The following FHIT variants were observed in gnomAD, a reference collection of about 807,000 sequenced individuals.
The protein encoded by FHIT is bis(5'-adenosyl)-triphosphatase.
FHIT carries 19 observed loss-of-function variants against 17.9 expected under a neutral mutation model. That is an observed-to-expected ratio of 1.06 (90% CI 0.74 to 1.56). The LOEUF is 1.56. Ranked by LOEUF, FHIT falls within the 40% of genes most tolerant of loss-of-function variation. The pLI is 0.00. For synonymous variants in FHIT, 81 were observed against 69.7 expected (o/e 1.16, Z -0.81); for missense variants, 248 against 189.2 (o/e 1.31, Z -1.82).
chr3:60,083,941 C>T (rs2736789), intron 5 of FHIT, among the ~76,000 whole-genome samples: 99,838 of 152,086 alleles, frequency 0.66, 33,881 homozygotes, highest in African/African-American at 0.81. Flanking sequence ...TAAGCTATTG[C>T]CTCAGCATCA....
At chr3:60,246,600 A>C (rs1256740277) in intron 5 of FHIT, among the ~76,000 whole-genome samples, 1 of 152,098 alleles carries the variant, frequency 6.6e-6, no homozygotes, top group Non-Finnish European at 1.5e-5. Flanking sequence ...CTGCAGAACA[A>C]ATTTTAAGGG....
At chr3:61,114,158 G>A (rs141122475) in intron 2 of FHIT, among the ~76,000 whole-genome samples, 1 of 152,126 alleles carries the variant, frequency 6.6e-6, no homozygotes, top group East Asian at 1.9e-4. Context: ...TATTTATATT[G>A]TTTCCAGTTT....
At chr3:60,865,243 A>G (rs1408833818) in intron 3 of FHIT, among the ~76,000 whole-genome samples, 1 of 152,216 alleles carries the variant, frequency 6.6e-6, no homozygotes, top group East Asian at 1.9e-4. Context: ...ATGCTGTTGA[A>G]TGTGGTAGCC....
intron 3 of FHIT, among the ~76,000 whole-genome samples, chr3:60,838,420 C>T (rs373871283): frequency 1.3e-5 from 2 of 152,124 alleles, no homozygotes; most frequent in African/African-American, 4.8e-5. Flanking sequence ...TGCAGTGAGT[C>T]GAGATCGCGC....
intron 5 of FHIT, among the ~76,000 whole-genome samples, chr3:60,477,958 T>C (rs1425103974): frequency 1.3e-5 from 2 of 152,182 alleles, no homozygotes; most frequent in Admixed American, 1.3e-4. Context: ...AAGGAGAAAG[T>C]GCATACCATA....
rs539615786 is a variant in FHIT at position 60,505,185 on chromosome 3, A to G, written c.103+31675T>C. Among the ~76,000 whole-genome samples the G allele has an allele frequency of 4.5e-3, 683 of 152,348 alleles. 3 individuals are homozygous for G. The highest frequency in any genetic ancestry group is 7.3e-3 in the Non-Finnish European group (496 of 68,036). ...TTTTTTCCTTCCTTTATTTTAATAG[A>G]TAAAAGGCTAAACCAGGTCATCTAC... On this transcript the variant is annotated intron_variant, in intron 5 of 9. Transcript: ENST00000492590.
At position 61,026,166 on chromosome 3, in the gene FHIT, C is replaced by T. The variant is rs541345555; in HGVS notation, c.-111+15881G>A. Among the ~76,000 whole-genome samples, 156 of 152,124 alleles carry T rather than the reference C, an allele frequency of 1.0e-3. 1 individual carries two copies. Among genetic ancestry groups the T allele is most frequent in the African/African-American group, 3.7e-3 (153 of 41,486 alleles). On this transcript the variant is annotated intron_variant, in intron 3 of 9. Coordinates refer to ENST00000492590, the MANE Select transcript of FHIT (RefSeq NM_002012.4). ...AAAAAAGCCATCTCCCACCACTACG[C>T]CCACTTCAAGAAGAAGAATGAAGAG...
chr3:60,255,365 C>T (rs984559585), intron 5 of FHIT, among the ~76,000 whole-genome samples: 2 of 152,124 alleles, frequency 1.3e-5, no homozygotes. Context: ...ACAATAACTG[C>T]ACAGGATGGC....
chr3:60,850,910 G>C (rs1218371701), intron 3 of FHIT, among the ~76,000 whole-genome samples: 1 of 152,096 alleles, frequency 6.6e-6, no homozygotes, highest in African/African-American at 2.4e-5. Flanking sequence ...ACAGCTAAGT[G>C]AATGTCCCCA....
At chr3:59,752,196 G>C in intron 9 of FHIT, 25 bp downstream of exon 9, 2 of 1,551,910 alleles carry the variant, frequency 1.3e-6, no homozygotes, top group Non-Finnish European at 1.8e-6. Flanking sequence ...GGAGGGTCTG[G>C]GTAATGACGA....
Position 59,843,573 on chromosome 3 carries a change from C to T in FHIT, c.348+78773G>A, listed in dbSNP as rs149764531. On this transcript the variant is annotated intron_variant, in intron 8 of 9. Transcript: ENST00000492590. Reference sequence around the variant, plus strand: ...TAAGATGTGTTTTCATTGATTGATACCTTCTTTCAGAAATGTTTTACAGTT... The same window carrying T: ...TAAGATGTGTTTTCATTGATTGATATCTTCTTTCAGAAATGTTTTACAGTT... Among the ~76,000 whole-genome samples the T allele has an allele frequency of 9.4e-4, 143 of 152,238 alleles. 1 individual carries two copies. The highest frequency in any genetic ancestry group is 3.2e-3 in the African/African-American group (135 of 41,566).
intron 5 of FHIT, among the ~76,000 whole-genome samples, chr3:60,402,019 A>G (rs913263782): frequency 6.6e-6 from 1 of 152,006 alleles, no homozygotes; most frequent in Non-Finnish European, 1.5e-5. Flanking sequence ...CATGGCCCTA[A>G]CTCCAGACAC....
intron 4 of FHIT, among the ~76,000 whole-genome samples, chr3:60,713,323 C>G (rs1231459099): frequency 6.6e-6 from 1 of 150,518 alleles, no homozygotes; most frequent in Non-Finnish European, 1.5e-5. Flanking sequence ...CAAGAGAAAG[C>G]AGGAAAGATC....
intron 4 of FHIT, among the ~76,000 whole-genome samples, chr3:60,579,204 G>A (rs1368031967): frequency 6.6e-6 from 1 of 152,070 alleles, no homozygotes; most frequent in Admixed American, 6.6e-5. Flanking sequence ...AACCTAGATA[G>A]GTATAGCCCA....
chr3:60,743,743 C>G (rs1022894592), intron 4 of FHIT, among the ~76,000 whole-genome samples: 2 of 152,234 alleles, frequency 1.3e-5, no homozygotes, highest in South Asian at 4.2e-4. Context: ...GATGAGGGGC[C>G]TGGAGGAATT....
intron 5 of FHIT, among the ~76,000 whole-genome samples, chr3:60,445,444 G>A (rs1366595234): frequency 6.6e-6 from 1 of 151,518 alleles, no homozygotes; most frequent in Non-Finnish European, 1.5e-5. Flanking sequence ...CTGCTGTGAT[G>A]GCAAGCTATC....
intron 5 of FHIT, among the ~76,000 whole-genome samples, chr3:60,386,955 G>T (rs1701034539): frequency 6.6e-6 from 1 of 151,616 alleles, no homozygotes; most frequent in Non-Finnish European, 1.5e-5. Context: ...AATCTGGTCT[G>T]CTCTTGAAAG....
At chr3:60,861,917 T>C (rs1423178819) in intron 3 of FHIT, among the ~76,000 whole-genome samples, 2 of 137,706 alleles carry the variant, frequency 1.5e-5, no homozygotes, top group South Asian at 2.3e-4. Flanking sequence ...GCCACTGCAC[T>C]GGGCAACAGA....
At chr3:60,962,044 A>T (rs62267343) in intron 3 of FHIT, among the ~76,000 whole-genome samples, 35,807 of 152,042 alleles carry the variant, frequency 0.24, 4,917 homozygotes, top group African/African-American at 0.38. Flanking sequence ...CACGATATTG[A>T]TTCTTCCTAC....
Sources: allele counts gnomAD v4.1 joint callset (sites outside exome capture counted in the v4.1 genomes callset), GRCh38; gene constraint gnomAD v4.1.1; transcripts MANE v1.5; gene names NCBI Gene and HGNC (gene_info 2026-07-23, HGNC 2026-07-21).